The following TMEM94 variants were observed in gnomAD, a reference collection of about 807,000 sequenced individuals.
TMEM94 encodes the protein ER Mg2+ ATPase.
In TMEM94, 81 loss-of-function variants were observed where a neutral mutation model predicts 158.6. The ratio of observed to expected loss-of-function variants is 0.51; its 90% CI spans 0.43 to 0.61. The LOEUF (loss-of-function observed/expected upper bound fraction) is 0.61, where lower values mean the gene tolerates loss of function less well. Among genes scored for constraint, TMEM94 ranks in the 20% least tolerant of loss-of-function variants. TMEM94 has a pLI of 0.00. For missense variants in TMEM94, 1,435 were observed against 1,762.0 expected, an observed-to-expected ratio of 0.81 and a Z score of 3.32; for synonymous variants, 751 against 730.7, an observed-to-expected ratio of 1.03 and a Z score of -0.45.
chr17:75,486,240 T>G (rs1598387188), intron 4 of TMEM94, 50 bp from the exon 5 acceptor site: 1 of 1,608,200 alleles, frequency 6.2e-7, no homozygotes, highest in Non-Finnish European at 8.5e-7. Context: ...GGCTGCTGGG[T>G]GGGCGAGCCC....
chr17:75,497,189 C>G lies in TMEM94; in HGVS notation c.3398C>G (p.Pro1133Arg). The change falls in exon 26 of 32, where the codon CCT (proline) becomes CGT (arginine). Residue 1133 changes from proline to arginine, a missense_variant. Around this residue, in one of 3 missense-constraint regions of TMEM94, gnomAD observed 335 missense variants for 409.1 expected, o/e 0.82. Coordinates refer to ENST00000314256, the MANE Select transcript of TMEM94 (RefSeq NM_014738.6). Reference protein sequence around the residue: ...DILWLSCFCYPLLSISLLGKP... With the variant: ...DILWLSCFCYRLLSISLLGKP... ...CTGTGGCTGTCCTGCTTTTGCTACC[C>G]TCTGCTCAGGTGAGATGCCATGTAT... is the stretch of plus-strand genomic sequence containing the variant. 1 of 1,613,668 alleles carries G rather than the reference C, an allele frequency of 6.2e-7. No homozygotes were observed. Among genetic ancestry groups the G allele is most frequent in the Non-Finnish European group, 8.5e-7 (1 of 1,179,742 alleles).
Position 75,486,005 on chromosome 17 carries a change from G to A in TMEM94, c.272+7G>A, listed in dbSNP as rs368118071. On this transcript the variant is annotated splice_region_variant and intron_variant, in intron 4 of 31. Transcript: ENST00000314256. ...GGGGACAGCCAGCCGGGAGGTGTGC[G>A]CCCAGGGGCTGCTCCCCAACCTCTC... The A allele has an allele frequency of 2.4e-5, 37 of 1,562,080 alleles. 1 individual carries two copies. The highest frequency in any genetic ancestry group is 2.3e-4 in the South Asian group (20 of 88,016).
At chr17:75,488,157 C>T in intron 6 of TMEM94, 23 bp downstream of exon 6, 1 of 1,611,698 alleles carries the variant, frequency 6.2e-7, no homozygotes, top group Non-Finnish European at 8.5e-7. Flanking sequence ...TTTCCTTCTC[C>T]CTTGGAAATG....
At chr17:75,476,570 ACT>A in intron 2 of TMEM94, 1 of 1,470,894 alleles carries the variant, frequency 6.8e-7, no homozygotes. Flanking sequence ...TTGCTCACAC[ACT>A]CTCAGCTGTC....
intron 6 of TMEM94, 79 bp downstream of exon 6, chr17:75,488,213 A>G: frequency 7.1e-7 from 1 of 1,400,644 alleles, no homozygotes; most frequent in Non-Finnish European, 1.0e-6. Flanking sequence ...CCCAGACTTC[A>G]TCCGGAAGCT....
intron 1 of TMEM94, among the ~76,000 whole-genome samples, chr17:75,467,994 A>G (rs906371090): frequency 6.6e-6 from 1 of 152,194 alleles, no homozygotes; most frequent in African/African-American, 2.4e-5. Context: ...TATTTTTCAT[A>G]ATTCTATAGC....
chr17:75,487,007 A>G lies in TMEM94; in HGVS notation c.409+581A>G, dbSNP rs2051682496. On this transcript the variant is annotated intron_variant, in intron 5 of 31. Transcript: ENST00000314256. The surrounding 1 kb of genome is among the most constrained non-coding windows in gnomAD (Gnocchi z 4.6). ...CAGGGGCATGTGGTGCTGTGGGAGA[A>G]GCAGCACCCACTCATGAGACCTTTC... Among the ~76,000 whole-genome samples, 1 of 152,158 alleles carries G rather than the reference A, an allele frequency of 6.6e-6. No homozygotes were observed. The highest frequency in any genetic ancestry group is 1.5e-5 in the Non-Finnish European group (1 of 68,018).
intron 2 of TMEM94, among the ~76,000 whole-genome samples, chr17:75,472,135 G>A (rs552738134): frequency 6.6e-6 from 1 of 152,220 alleles, no homozygotes; most frequent in Non-Finnish European, 1.5e-5. Context: ...GGATGAAGGT[G>A]GACCTATTAA....
intron 1 of TMEM94, among the ~76,000 whole-genome samples, chr17:75,461,839 G>A (rs532093342): frequency 1.3e-4 from 20 of 150,532 alleles, no homozygotes; most frequent in East Asian, 2.0e-4. Context: ...GCGCGAACCC[G>A]GGAGGCGGAG....
At chr17:75,490,171 T>C in intron 9 of TMEM94, 63 bp from the exon 10 acceptor site, 1 of 1,583,162 alleles carries the variant, frequency 6.3e-7, no homozygotes, top group Non-Finnish European at 8.6e-7. Flanking sequence ...AGGGCAGCCC[T>C]TCCCTTCCCT....
intron 2 of TMEM94, among the ~76,000 whole-genome samples, chr17:75,474,272 G>A (rs1365459803): frequency 2.6e-5 from 4 of 151,926 alleles, no homozygotes; most frequent in South Asian, 4.1e-4. Context: ...TTGGGAGGCC[G>A]AGGCAGGTGG....
chr17:75,471,247 A>AG (rs2050491443), intron 1 of TMEM94, among the ~76,000 whole-genome samples: 1 of 148,070 alleles, frequency 6.8e-6, no homozygotes, highest in African/African-American at 2.6e-5. Flanking sequence ...TCAAAAAAAA[A>AG]AAAAAAAGAA....
rs1181962739 is a variant in TMEM94, at chr17:75,498,219, C to T, written c.3534C>T (p.Leu1178=). 8.1e-6 allele frequency: 13 copies of T among 1,613,864 alleles called. No individual in the cohort carries two copies. In the South Asian group the frequency reaches 9.9e-5, roughly 12 times the overall value. Residue 1178 remains leucine, a synonymous_variant, in exon 28 of 32, where the codon CTC becomes CTT. Coordinates refer to ENST00000314256, the MANE Select transcript of TMEM94 (RefSeq NM_014738.6). The surrounding 1 kb of genome is among the most constrained non-coding windows in gnomAD (Gnocchi z 6.7). The part of the protein sequence containing the change: ...FLLCFLLKFS[L]TISSCLICFG... Reference sequence around the variant, plus strand: ...TCTGCTTCCTGCTCAAGTTCAGCCTCACCATCAGCTCCTGCCTCATCTGCT... The same window carrying T: ...TCTGCTTCCTGCTCAAGTTCAGCCTTACCATCAGCTCCTGCCTCATCTGCT...
Position 75,498,068 on chromosome 17 carries a change from C to A in TMEM94, c.3490-107C>A. On this transcript the variant is annotated intron_variant, in intron 27 of 31. Transcript: ENST00000314256. This position sits in a 1 kb window ranked among gnomAD's most constrained non-coding sequence, Gnocchi z 6.7. ...CTTGCTGGGGCTTGAGCTCCCTATC[C>A]CCCCAGGCCTGACCATTTACTAAGA... 4.8e-6 allele frequency: 7 copies of A among 1,445,230 alleles called. No homozygotes were observed. Among genetic ancestry groups the A allele is most frequent in the Non-Finnish European group, 6.6e-6 (7 of 1,055,452 alleles). 89.5% of individuals were successfully genotyped at this position (1,445,230 alleles called of 1,614,324 possible). A position where few individuals can be genotyped will look rare whatever the true frequency, so the allele number is the denominator to read the frequency against.
chr17:75,471,105 C>T (rs1758591432), intron 1 of TMEM94, among the ~76,000 whole-genome samples: 1 of 150,884 alleles, frequency 6.6e-6, no homozygotes, highest in African/African-American at 2.4e-5. Flanking sequence ...GGCGTGGTGG[C>T]AAGTGCCTGT....
At chr17:75,464,537 C>A (rs927175116) in intron 1 of TMEM94, among the ~76,000 whole-genome samples, 1 of 152,054 alleles carries the variant, frequency 6.6e-6, no homozygotes, top group Non-Finnish European at 1.5e-5. Context: ...TCTTCAGTGA[C>A]TCCTCAGAGC....
Sources: gnomAD v4.1 joint callset for allele counts (sites outside exome capture counted in the v4.1 genomes callset) on GRCh38, gnomAD v4.1.1 for gene constraint, gnomAD v4.1.1 regional missense constraint, Gnocchi (gnomAD v3.1) non-coding constraint, MANE v1.5 for transcripts, NCBI Gene and HGNC (gene_info 2026-07-23, HGNC 2026-07-21) for gene names.